MYO9B: variants seen among roughly 807,000 people sequenced by gnomAD.
The protein encoded by MYO9B is myosin IXB.
In MYO9B, 71 loss-of-function variants were observed where a neutral mutation model predicts 229.5. That is an observed-to-expected ratio of 0.31 (90% confidence interval 0.26 to 0.38). The LOEUF (loss-of-function observed/expected upper bound fraction) is 0.38, where lower values mean the gene tolerates loss of function less well. Among genes scored for constraint, MYO9B ranks in the 10% least tolerant of loss-of-function variants. The pLI is 1.00. For missense variants in MYO9B, 2,255 were observed against 2,920.5 expected (o/e 0.77, Z 5.25); for synonymous variants, 1,185 against 1,235.8 (o/e 0.96, Z 0.86).
intron 19 of MYO9B, among the ~76,000 whole-genome samples, chr19:17,188,624 G>A (rs1258409853): frequency 6.6e-6 from 1 of 152,048 alleles, no homozygotes; most frequent in East Asian, 1.9e-4. Flanking sequence ...CTAATCCTAT[G>A]CGGATAAGAA....
At chr19:17,184,036 CTT>C (rs1242504831) in intron 16 of MYO9B, 168 bp downstream of exon 16, 7 of 687,594 alleles carry the variant, frequency 1.0e-5, no homozygotes, top group South Asian at 2.0e-5. Context: ...AGAGCTGTCT[CTT>C]TATGGGTTTC....
chr19:17,171,625 C>T (rs2072725692), intron 11 of MYO9B, among the ~76,000 whole-genome samples: 1 of 152,154 alleles, frequency 6.6e-6, no homozygotes, highest in South Asian at 2.1e-4. Flanking sequence ...GAGTGAGCCA[C>T]CCAGACTCAG....
chr19:17,110,709 G>A (rs2057839468), intron 2 of MYO9B, among the ~76,000 whole-genome samples: 1 of 152,132 alleles, frequency 6.6e-6, no homozygotes, highest in South Asian at 2.1e-4. Context: ...AGCCCCTGTG[G>A]CCCGGCCCAC....
intron 1 of MYO9B, among the ~76,000 whole-genome samples, chr19:17,084,600 A>G (rs2057564592): frequency 6.6e-6 from 1 of 151,586 alleles, no homozygotes; most frequent in African/African-American, 2.4e-5. Flanking sequence ...GCAGTGGCTC[A>G]CATCTGTAAT....
Position 17,200,354 on chromosome 19 carries a change from G to A in MYO9B, c.4300G>A (p.Ala1434Thr), listed in dbSNP as rs754563547. 1.4e-5 allele frequency: 22 copies of A among 1,610,806 alleles called. No individual in the cohort carries two copies. Among genetic ancestry groups the A allele is most frequent in the East Asian group, 4.5e-5 (2 of 44,836 alleles). ...TKDKKYSLEG[A>T]EELENAVSGH... Reference sequence around the variant, plus strand: ...GGATAAAAAATACAGCCTGGAGGGCGCAGAGGAGCTGGAGAATGCAGTGTC... The same window carrying A: ...GGATAAAAAATACAGCCTGGAGGGCACAGAGGAGCTGGAGAATGCAGTGTC... The change falls in exon 25 of 40, where the codon GCA becomes ACA. Residue 1434 changes from alanine to threonine, a missense_variant. Physicochemically the swap from Ala to Thr is moderately conservative, Grantham distance 58. Coordinates refer to ENST00000682292, the MANE Select transcript of MYO9B (RefSeq NM_004145.4).
chr19:17,207,224 G>A lies in MYO9B; in HGVS notation c.5604G>A (p.Lys1868=). 6.3e-7 allele frequency: 1 copy of A among 1,598,552 alleles called. No homozygotes were observed. Among genetic ancestry groups the A allele is most frequent in the Non-Finnish European group, 8.5e-7 (1 of 1,173,884 alleles). The change falls in exon 35 of 40, where the codon AAG becomes AAA. Residue 1868 remains lysine, a synonymous_variant. Transcript: ENST00000682292. ...ACTCGGACCCGCTGACCAGCATGAAGGACGTCCTCAAGATCACCACGTGAG... is the reference window on the plus strand; with the variant it reads ...ACTCGGACCCGCTGACCAGCATGAAAGACGTCCTCAAGATCACCACGTGAG... ...PDNSDPLTSM[K]DVLKITTCVE... is the part of the protein sequence containing the mutation.
chr19:17,201,829 G>A (rs1208043139), intron 26 of MYO9B, 97 bp from the exon 27 acceptor site: 6 of 822,680 alleles, frequency 7.3e-6, no homozygotes, highest in Non-Finnish European at 1.2e-5. Flanking sequence ...CCTAGGGGAT[G>A]ACTTAAGAGA....
intron 2 of MYO9B, among the ~76,000 whole-genome samples, chr19:17,122,712 C>T (rs1251769518): frequency 6.6e-6 from 1 of 152,180 alleles, no homozygotes; most frequent in Non-Finnish European, 1.5e-5. Context: ...CAATGACAGG[C>T]AGGTATCAGT....
At chr19:17,129,545 G>A (rs2072168537) in intron 2 of MYO9B, among the ~76,000 whole-genome samples, 1 of 152,252 alleles carries the variant, frequency 6.6e-6, no homozygotes, top group Non-Finnish European at 1.5e-5. Flanking sequence ...GTCAGGGCAG[G>A]TGGGCAGGGC....
chr19:17,210,273 C>T, intron 36 of MYO9B, 60 bp from the exon 37 acceptor site: 1 of 1,488,282 alleles, frequency 6.7e-7, no homozygotes, highest in Non-Finnish European at 9.0e-7. Context: ...GATGTATCCC[C>T]AGCTCATGCC....
At chr19:17,203,381 G>A (rs1378042959) in intron 30 of MYO9B, 123 bp downstream of exon 30, 4 of 636,688 alleles carry the variant, frequency 6.3e-6, no homozygotes, top group South Asian at 2.0e-5. Flanking sequence ...TTGGGAGGCC[G>A]AGGCAGGTGG....
chr19:17,135,918 C>G (rs995523090), intron 2 of MYO9B, among the ~76,000 whole-genome samples: 3 of 152,072 alleles, frequency 2.0e-5, no homozygotes, highest in African/African-American at 7.2e-5. Flanking sequence ...GGCACCTCTG[C>G]CACAGACCAG....
At chr19:17,197,147 C>T (rs1382652263) in intron 22 of MYO9B, among the ~76,000 whole-genome samples, 2 of 151,964 alleles carry the variant, frequency 1.3e-5, no homozygotes, top group African/African-American at 4.8e-5. Context: ...TGTGTTGGCG[C>T]ATGCCTCTAA....
intron 2 of MYO9B, among the ~76,000 whole-genome samples, chr19:17,110,908 G>C (rs543734887): frequency 2.6e-5 from 4 of 152,186 alleles, no homozygotes; most frequent in African/African-American, 9.6e-5. Context: ...TACCCACCTG[G>C]ACCGGGTCCT....
rs1463851252 is a variant in MYO9B, at chr19:17,195,153, C to A, written c.3726C>A (p.Ser1242Arg). Residue 1242 changes from serine to arginine, a missense_variant, in exon 22 of 40, where the codon AGC becomes AGA. By Grantham distance (110) the Ser-to-Arg change is moderately radical. This residue lies in a region of MYO9B where 679 missense variants were observed against 770.2 expected (regional missense o/e 0.88). Coordinates refer to ENST00000682292, the MANE Select transcript of MYO9B (RefSeq NM_004145.4). This position sits in a 1 kb window ranked among gnomAD's most constrained non-coding sequence, Gnocchi z 4.5. ...EETEKTLPSG[S>R]PRPGQLERPT... is the part of the protein sequence containing the mutation. ...CTGAGAAGACGCTGCCCAGTGGGAG[C>A]CCCAGGCCTGGCCAGTTGGAGCGGC... 6.2e-7 allele frequency: 1 copy of A among 1,611,178 alleles called. No individual in the cohort carries two copies. The highest frequency in any genetic ancestry group is 8.5e-7 in the Non-Finnish European group (1 of 1,179,234).
chr19:17,145,081 C>T (rs2072392400), intron 2 of MYO9B, among the ~76,000 whole-genome samples: 1 of 151,880 alleles, frequency 6.6e-6, no homozygotes, highest in Admixed American at 6.6e-5. Flanking sequence ...AGTTCTACGT[C>T]AGCCTGGACA....
In MYO9B at chr19:17,175,658, G is replaced by A. The variant is rs199841902; in HGVS notation, c.2141-5G>A. 3.5e-4 allele frequency: 549 copies of A among 1,567,236 alleles called. 2 individuals are homozygous for A. In the African/African-American group the frequency reaches 6.7e-3, roughly 19 times the overall value. On this transcript the variant is annotated splice_polypyrimidine_tract_variant and splice_region_variant and intron_variant, in intron 13 of 39. Transcript: ENST00000682292. Reference sequence around the variant, plus strand: ...CCACCACCATCCACTCTGTGTCTCCGGCAGGTATGAGCAGCCCTGGTGCCC... The same window carrying A: ...CCACCACCATCCACTCTGTGTCTCCAGCAGGTATGAGCAGCCCTGGTGCCC...
chr19:17,088,667 T>G (rs2057607136), intron 1 of MYO9B, among the ~76,000 whole-genome samples: 4 of 152,172 alleles, frequency 2.6e-5, no homozygotes, highest in Admixed American at 2.0e-4. Context: ...CAGCCCCACT[T>G]ACTTTGTTTA....
intron 38 of MYO9B, among the ~76,000 whole-genome samples, chr19:17,211,383 C>T (rs1188706211): frequency 6.6e-6 from 1 of 152,142 alleles, no homozygotes; most frequent in Non-Finnish European, 1.5e-5. Flanking sequence ...GGGGTCCTCC[C>T]ACCTCAGCCT....
Sources: gnomAD v4.1 joint callset for allele counts (sites outside exome capture counted in the v4.1 genomes callset) on GRCh38, gnomAD v4.1.1 for gene constraint, gnomAD v4.1.1 regional missense constraint, Gnocchi (gnomAD v3.1) non-coding constraint, MANE v1.5 for transcripts, NCBI Gene and HGNC (gene_info 2026-07-23, HGNC 2026-07-21) for gene names.